Variants in VCF1 observed in about 807,000 individuals in gnomAD.
VCF1 encodes the protein VCP nuclear cofactor family member 1.
At chr17:73,219,202 A>C in the VCF1 span, among the ~76,000 whole-genome samples, 2 of 151,484 alleles carry the variant, frequency 1.3e-5, no homozygotes, top group African/African-American at 2.4e-5. Flanking sequence ...AAAAAAAAAA[A>C]AAAAAAAAAA....
the VCF1 span, among the ~76,000 whole-genome samples, chr17:73,215,974 T>C: frequency 1.3e-5 from 2 of 151,948 alleles, no homozygotes; most frequent in African/African-American, 4.8e-5. Context: ...GGGTGGGCCC[T>C]TGACAGGAGT....
At chr17:73,226,610 G>A in the VCF1 span, among the ~76,000 whole-genome samples, 2 of 152,122 alleles carry the variant, frequency 1.3e-5, no homozygotes, top group South Asian at 2.1e-4. Context: ...CTCAGTCTGC[G>A]TACTGAAGCA....
the VCF1 span, chr17:73,209,522 C>T: frequency 4.0e-5 from 63 of 1,576,708 alleles, no homozygotes; most frequent in Non-Finnish European, 4.9e-5. Flanking sequence ...AAGAAACTGC[C>T]GGCACATCAT....
chr17:73,226,197 G>C, the VCF1 span, among the ~76,000 whole-genome samples: 10 of 151,986 alleles, frequency 6.6e-5, no homozygotes, highest in African/African-American at 1.7e-4. Flanking sequence ...CACTGCGCTC[G>C]GCCAGGAAAA....
the VCF1 span, chr17:73,229,634 G>A: frequency 4.2e-6 from 4 of 951,190 alleles, no homozygotes; most frequent in South Asian, 1.5e-4. Flanking sequence ...GGGAGGCTGA[G>A]GCAGGCAGAT....
At chr17:73,216,233 G>A in the VCF1 span, among the ~76,000 whole-genome samples, 5 of 152,156 alleles carry the variant, frequency 3.3e-5, no homozygotes, top group Non-Finnish European at 7.3e-5. Context: ...AGGAGAACAC[G>A]CACCACCCCC....
chr17:73,225,899 A>ATATATATATATATATATATT, the VCF1 span, among the ~76,000 whole-genome samples: 6 of 114,838 alleles, frequency 5.2e-5, no homozygotes, highest in African/African-American at 2.3e-4. Context: ...ATATATATAT[A>ATATATATATATATATATATT]TTTTTTTTTT....
chr17:73,217,525 C>T, the VCF1 span, among the ~76,000 whole-genome samples: 5 of 152,200 alleles, frequency 3.3e-5, no homozygotes, highest in Admixed American at 3.3e-4. Context: ...TGGCGTGCAC[C>T]TGCAGTCCCA....
chr17:73,210,479 T>G, the VCF1 span, among the ~76,000 whole-genome samples: 3 of 150,734 alleles, frequency 2.0e-5, no homozygotes, highest in African/African-American at 7.3e-5. Context: ...TCACTTTCAT[T>G]CTGCAGTTCA....
At chr17:73,226,461 T>G in the VCF1 span, among the ~76,000 whole-genome samples, 1 of 152,242 alleles carries the variant, frequency 6.6e-6, no homozygotes, top group African/African-American at 2.4e-5. Context: ...TAGGGCTCTT[T>G]GTTGTTGAGG....
chr17:73,224,593 ATTG>A, the VCF1 span, among the ~76,000 whole-genome samples: 4 of 152,232 alleles, frequency 2.6e-5, no homozygotes, highest in African/African-American at 9.6e-5. Flanking sequence ...TTAAAAATGA[ATTG>A]TTTTATTTTC....
the VCF1 span, chr17:73,232,322 G>GT: frequency 7.1e-6 from 11 of 1,557,598 alleles, no homozygotes; most frequent in Non-Finnish European, 9.6e-6. Context: ...TGCCGCCGTG[G>GT]TACCGCCCTC....
chr17:73,208,277 C>A, the VCF1 span: 1 of 1,611,916 alleles, frequency 6.2e-7, no homozygotes, highest in Non-Finnish European at 8.5e-7. Context: ...AGGGCTCAGG[C>A]CAACTCTAAG....
chr17:73,225,274 G>A, the VCF1 span, among the ~76,000 whole-genome samples: 1 of 152,148 alleles, frequency 6.6e-6, no homozygotes, highest in African/African-American at 2.4e-5. Context: ...AGGAGGTTGA[G>A]TAACAAGACG....
chr17:73,208,130 G>A, the VCF1 span: 5 of 1,482,012 alleles, frequency 3.4e-6, no homozygotes, highest in Non-Finnish European at 4.5e-6. Context: ...TTGTCACAAA[G>A]GCTCATGCTG....
At chr17:73,207,812 GTTTGC>G in the VCF1 span, 1 of 1,283,314 alleles carries the variant, frequency 7.8e-7, no homozygotes. Flanking sequence ...GCATCGAGTT[GTTTGC>G]TTTATTGTTA....
At chr17:73,231,643 G>A in the VCF1 span, among the ~76,000 whole-genome samples, 3 of 152,190 alleles carry the variant, frequency 2.0e-5, no homozygotes, top group Non-Finnish European at 4.4e-5. Context: ...CTGCTGCGGG[G>A]TTAAGCCCAA....
the VCF1 span, chr17:73,207,487 G>A: frequency 3.1e-6 from 2 of 645,670 alleles, no homozygotes; most frequent in Non-Finnish European, 5.4e-6. Context: ...TAGAAATGTA[G>A]AAAATATACA....
At chr17:73,227,671 A>G in the VCF1 span, 9 of 986,142 alleles carry the variant, frequency 9.1e-6, no homozygotes, top group Non-Finnish European at 1.1e-5. Context: ...AACATTTGAT[A>G]TAAGAGTGGC....
Sources: allele counts gnomAD v4.1 joint callset (sites outside exome capture counted in the v4.1 genomes callset), GRCh38; gene constraint gnomAD v4.1.1; transcripts MANE v1.5; gene names NCBI Gene and HGNC (gene_info 2026-07-23, HGNC 2026-07-21).